Variants in FNTB observed in about 807,000 individuals in gnomAD.
FNTB encodes the protein farnesyltransferase, CAAX box, subunit beta, also known as protein farnesyltransferase subunit beta.
Under a neutral mutation model 59.4 loss-of-function variants are expected in FNTB, and 27 were observed. The ratio of observed to expected loss-of-function variants is 0.45; its 90% CI spans 0.34 to 0.63. FNTB has a LOEUF of 0.63. Among genes scored for constraint, FNTB ranks in the 20% least tolerant of loss-of-function variants. FNTB has a pLI of 0.02. For synonymous variants in FNTB, 230 were observed against 220.7 expected, an observed-to-expected ratio of 1.04 and a Z score of -0.37; for missense variants, 449 against 559.6, an observed-to-expected ratio of 0.80 and a Z score of 1.99.
In FNTB at chr14:64,991,011, G is replaced by A. The variant is rs1888179880; in HGVS notation, c.144+3914G>A. On this transcript the variant is annotated intron_variant, in intron 1 of 11. Coordinates refer to ENST00000246166, the MANE Select transcript of FNTB (RefSeq NM_002028.4). The surrounding 1 kb of genome is among the most constrained non-coding windows in gnomAD (Gnocchi z 4.4). ...TGTTAGTGCCTGCCTTCCTTATTGT[G>A]CCATCTGGAATCATCCCATTGCAGA... Among the ~76,000 whole-genome samples the A allele has an allele frequency of 6.6e-6, 1 of 152,126 alleles. No individual in the cohort carries two copies. The highest frequency in any genetic ancestry group is 2.4e-5 in the African/African-American group (1 of 41,408).
In FNTB at chr14:65,051,944, A is replaced by G. The variant is rs1005985180; in HGVS notation, c.956-1294A>G. 5.4e-4 allele frequency among the ~76,000 whole-genome samples: 82 copies of G among 151,746 alleles called. 1 individual carries two copies. Among genetic ancestry groups the G allele is most frequent in the Middle Eastern group, 3.4e-3 (1 of 294 alleles). ...TGAGTAGCTGGGACTACAGGCGCCC[A>G]CCACCATGTCCGGCTAATTTTTTTG... On this transcript the variant is annotated intron_variant, in intron 9 of 11. Transcript: ENST00000246166.
At chr14:64,993,833 G>A (rs1888292841) in intron 1 of FNTB, among the ~76,000 whole-genome samples, 1 of 149,966 alleles carries the variant, frequency 6.7e-6, no homozygotes. Context: ...TTATTGATTG[G>A]ATTTCTTTTT....
intron 9 of FNTB, among the ~76,000 whole-genome samples, chr14:65,051,347 T>C (rs578144751): frequency 1.3e-5 from 2 of 152,248 alleles, no homozygotes; most frequent in Non-Finnish European, 2.9e-5. Flanking sequence ...CGGTGGCCCA[T>C]GCCTGTAATC....
At position 65,012,628 on chromosome 14, in the gene FNTB, A is replaced by T. The variant is rs79301678; in HGVS notation, c.282+239A>T. Among the ~76,000 whole-genome samples, 1,396 of 152,272 alleles carry T rather than the reference A, an allele frequency of 9.2e-3. 21 individuals carry two copies. The highest frequency in any genetic ancestry group is 0.031 in the African/African-American group (1,295 of 41,556). On this transcript the variant is annotated intron_variant, in intron 3 of 11. Transcript: ENST00000246166. The surrounding 1 kb of genome is among the most constrained non-coding windows in gnomAD (Gnocchi z 5.0). Reference sequence around the variant, plus strand: ...AGATAGGATGGGGCTTTCTTCTGTTACTAGATGATGACTAAGGGGTTCACG... The same window carrying T: ...AGATAGGATGGGGCTTTCTTCTGTTTCTAGATGATGACTAAGGGGTTCACG...
chr14:65,043,256 T>C (rs535207984), intron 8 of FNTB, among the ~76,000 whole-genome samples: 1 of 152,226 alleles, frequency 6.6e-6, no homozygotes, highest in South Asian at 2.1e-4. Flanking sequence ...ACTATCTTGA[T>C]CTTTGTAGTA....
At chr14:65,059,169 C>T (rs1343034207) in intron 11 of FNTB, among the ~76,000 whole-genome samples, 1 of 152,114 alleles carries the variant, frequency 6.6e-6, no homozygotes, top group African/African-American at 2.4e-5. Context: ...ACTACAGGTG[C>T]ACACCACCAG....
At chr14:65,053,444 G>C in intron 10 of FNTB, 95 bp downstream of exon 10, 1 of 1,096,678 alleles carries the variant, frequency 9.1e-7, no homozygotes, top group Non-Finnish European at 1.2e-6. Flanking sequence ...CTCAAGAGCA[G>C]AGGTGTCACC....
chr14:65,005,511 T>TTCTTTCTTTCTCTC, intron 2 of FNTB, among the ~76,000 whole-genome samples: 1 of 64,458 alleles, frequency 1.6e-5, no homozygotes, highest in African/African-American at 7.6e-5. Flanking sequence ...CTTTCTTTCT[T>TTCTTTCTTTCTCTC]TCTCTCTCTC....
At chr14:65,005,513 C>CTTTCTTTCTTTCTT (rs1230873980) in intron 2 of FNTB, among the ~76,000 whole-genome samples, 4 of 114,816 alleles carry the variant, frequency 3.5e-5, no homozygotes, top group East Asian at 3.9e-4. Flanking sequence ...TTCTTTCTTT[C>CTTTCTTTCTTTCTT]TCTCTCTCTT....
At chr14:64,999,960 G>A (rs1171471553) in intron 1 of FNTB, among the ~76,000 whole-genome samples, 1 of 152,148 alleles carries the variant, frequency 6.6e-6, no homozygotes, top group Middle Eastern at 3.2e-3. Context: ...TTTGTCAGGT[G>A]TCTTAGCTTA....
intron 4 of FNTB, among the ~76,000 whole-genome samples, chr14:65,016,768 T>C (rs1454211586): frequency 6.6e-6 from 1 of 152,174 alleles, no homozygotes; most frequent in African/African-American, 2.4e-5. Flanking sequence ...TTAACCCTTG[T>C]GGTACGTAGG....
intron 1 of FNTB, among the ~76,000 whole-genome samples, chr14:64,998,603 A>G (rs1411007698): frequency 1.3e-5 from 2 of 152,222 alleles, no homozygotes; most frequent in Non-Finnish European, 1.5e-5. Flanking sequence ...GCATTGATGC[A>G]TGAGAACCCT....
At chr14:65,039,913 G>C (rs1317969739) in intron 7 of FNTB, among the ~76,000 whole-genome samples, 2 of 152,352 alleles carry the variant, frequency 1.3e-5, no homozygotes, top group East Asian at 1.9e-4. Flanking sequence ...CAGAGGCCAA[G>C]TGCGGTGGCC....
intron 1 of FNTB, among the ~76,000 whole-genome samples, chr14:65,003,142 T>A (rs912845772): frequency 6.6e-6 from 1 of 152,218 alleles, no homozygotes; most frequent in Non-Finnish European, 1.5e-5. Flanking sequence ...AAGAGAAAGA[T>A]CTGATTTCTT....
At chr14:65,026,255 C>T (rs1214905242) in intron 4 of FNTB, among the ~76,000 whole-genome samples, 1 of 152,130 alleles carries the variant, frequency 6.6e-6, no homozygotes, top group Non-Finnish European at 1.5e-5. Flanking sequence ...TCCTGGGGCA[C>T]CCTTTCTGGT....
In FNTB at chr14:65,014,412, A is replaced by G. The variant is rs2061734299; in HGVS notation, c.283-1213A>G. Among the ~76,000 whole-genome samples, 2 of 152,132 alleles carry G rather than the reference A, an allele frequency of 1.3e-5. No homozygotes were observed. The highest frequency in any genetic ancestry group is 4.8e-5 in the African/African-American group (2 of 41,432). On this transcript the variant is annotated intron_variant, in intron 3 of 11. Transcript: ENST00000246166. This position sits in a 1 kb window ranked among gnomAD's most constrained non-coding sequence, Gnocchi z 5.1. ...CGTCCATTACAGCATTTCTCCAGGT[A>G]TATGTACACGTGTTGGTTCCAGAAA... is the stretch of plus-strand genomic sequence containing the variant.
At chr14:64,998,107 T>G (rs1372554946) in intron 1 of FNTB, among the ~76,000 whole-genome samples, 1 of 152,250 alleles carries the variant, frequency 6.6e-6, no homozygotes, top group Non-Finnish European at 1.5e-5. Context: ...TCTTTGTTTA[T>G]CCTTTACTAG....
Position 65,054,487 on chromosome 14 carries a change from G to A in FNTB, c.1068-88G>A, listed in dbSNP as rs979660034. ...GGAGGATGGGGGGGGACGTGTGATT[G>A]CACCAGTGGTCTCTGAATTGGTGTG... On this transcript the variant is annotated intron_variant, in intron 10 of 11. Coordinates refer to ENST00000246166, the MANE Select transcript of FNTB (RefSeq NM_002028.4). The surrounding 1 kb of genome is among the most constrained non-coding windows in gnomAD (Gnocchi z 4.4). 2 of 1,311,120 alleles carry A rather than the reference G, an allele frequency of 1.5e-6. No individual in the cohort carries two copies. The highest frequency in any genetic ancestry group is 2.9e-5 in the African/African-American group (2 of 68,488). 81.2% of individuals were successfully genotyped at this position (1,311,120 alleles called of 1,614,324 possible). A position where few individuals can be genotyped will look rare whatever the true frequency, so the allele number is the denominator to read the frequency against.
In FNTB at chr14:65,061,448, G is replaced by A. The variant is rs2062864134; in HGVS notation, c.*136G>A. ...GCTGTGGTTCTCTTGGTACTTTCTT[G>A]TCAAACAAAACCAATGGCTCTGGGT... On this transcript the variant is annotated 3_prime_UTR_variant, in exon 12 of 12. Coordinates refer to ENST00000246166, the MANE Select transcript of FNTB (RefSeq NM_002028.4). 8 of 1,395,250 alleles carry A rather than the reference G, an allele frequency of 5.7e-6. No homozygotes were observed. In the Admixed American group the frequency reaches 8.2e-5, roughly 14 times the overall value. The allele number at this position is 1,395,250 out of a possible 1,614,324, so 86.4% of individuals were successfully genotyped here. A position where few individuals can be genotyped will look rare whatever the true frequency, so the allele number is the denominator to read the frequency against.
Sources: allele counts gnomAD v4.1 joint callset (sites outside exome capture counted in the v4.1 genomes callset), GRCh38; gene constraint gnomAD v4.1.1; non-coding constraint Gnocchi (gnomAD v3.1); transcripts MANE v1.5; gene names NCBI Gene and HGNC (gene_info 2026-07-23, HGNC 2026-07-21).